Variants in SAGE1 observed in about 807,000 individuals in gnomAD.
The protein encoded by SAGE1 is cancer/testis antigen 14.
SAGE1 carries 55 observed loss-of-function variants against 55.4 expected under a neutral mutation model. The ratio of observed to expected loss-of-function variants is 0.99; its 90% CI spans 0.80 to 1.24. SAGE1 has a LOEUF of 1.24. SAGE1 is among the 50% of genes most tolerant of loss of function. The pLI, the probability that SAGE1 is intolerant of heterozygous loss-of-function variation, is 0.00. For missense variants in SAGE1, 710 were observed against 704.4 expected, an observed-to-expected ratio of 1.01 and a Z score of -0.09; for synonymous variants, 240 against 244.3, an observed-to-expected ratio of 0.98 and a Z score of 0.17.
chrX:135,903,106 C>T (rs782107739), intron 3 of SAGE1, among the ~76,000 whole-genome samples: 1 of 111,661 alleles, frequency 9.0e-6, no homozygotes, highest in South Asian at 3.8e-4. Flanking sequence ...GGGTCCCATC[C>T]ATTTCCTCCT....
chrX:135,898,389 A>G (rs1556594993), intron 2 of SAGE1, among the ~76,000 whole-genome samples: 3 of 112,371 alleles, frequency 2.7e-5, no homozygotes, highest in Non-Finnish European at 5.6e-5. Flanking sequence ...TATCCAGTCT[A>G]TCATTGATGG....
At position 135,896,327 on chromosome X, in the gene SAGE1, C is replaced by A; in HGVS notation, c.85C>A (p.Gln29Lys). 2.6e-6 allele frequency: 3 copies of A among 1,169,245 alleles called. No homozygotes were observed. Among genetic ancestry groups the A allele is most frequent in the Non-Finnish European group, 3.5e-6 (3 of 857,837 alleles). ...AAAYVFTNDG[Q>K]QMRSDEVNLV... ...TGCCTATGTGTTTACAAATGATGGG[C>A]AGGTAAGATAACTCTTTCTATTTCT... The change falls in exon 2 of 20, where the codon CAG becomes AAG. Residue 29 changes from glutamine (Q) to lysine (K), a missense_variant and splice_region_variant. Physicochemically the swap from Gln to Lys is moderately conservative, Grantham distance 53. Coordinates refer to ENST00000370709, the MANE Select transcript of SAGE1 (RefSeq NM_001381902.1).
In SAGE1 at chrX:135,909,643, T is replaced by C; in HGVS notation, c.1587T>C (p.Ala529=). 8.3e-7 allele frequency: 1 copy of C among 1,201,738 alleles called. No homozygotes were observed. The highest frequency in any genetic ancestry group is 1.1e-6 in the Non-Finnish European group (1 of 890,704). ...IPSMSTKDLY[A]TVTQNVHEER... is the part of the protein sequence containing the mutation. ...ACCTCTTTATTTGGTTTCCAGATGC[T>C]ACCGTCACTCAAAATGTCCATGAAG... The change falls in exon 14 of 20, where the codon GCT becomes GCC. Residue 529 remains alanine (A), a synonymous_variant. Transcript: ENST00000370709.
chrX:135,901,963 C>T (rs2088686727), intron 3 of SAGE1, among the ~76,000 whole-genome samples: 1 of 111,804 alleles, frequency 8.9e-6, no homozygotes, highest in Admixed American at 9.5e-5. Context: ...TCTTAGTGTA[C>T]TCCAATGAAA....
chrX:135,906,160 T>A lies in SAGE1; in HGVS notation c.591T>A (p.Asp197Glu). The change falls in exon 6 of 20, where the codon GAT becomes GAA. Residue 197 changes from aspartate (D) to glutamate (E), a missense_variant. By Grantham distance (45) the Asp-to-Glu change is conservative (BLOSUM62 2). Coordinates refer to ENST00000370709, the MANE Select transcript of SAGE1 (RefSeq NM_001381902.1). ...CTATTCCAGCCATGAGTGCCAGAGATCTCTGTATGTCCACTTATAAATTGT... is the reference window on the plus strand; with the variant it reads ...CTATTCCAGCCATGAGTGCCAGAGAACTCTGTATGTCCACTTATAAATTGT... ...ATPIPAMSAR[D>E]LYATVTHNVC... The A allele has an allele frequency of 4.2e-6, 5 of 1,201,438 alleles. No homozygotes were observed. Among genetic ancestry groups the A allele is most frequent in the Non-Finnish European group, 5.6e-6 (5 of 890,376 alleles).
At chrX:135,908,350 C>T in intron 11 of SAGE1, 121 bp downstream of exon 11, 7 of 1,011,438 alleles carry the variant, frequency 6.9e-6, no homozygotes, top group Admixed American at 2.5e-5. Flanking sequence ...GGTCTCAGAT[C>T]GCTGCCTGGT....
intron 4 of SAGE1, among the ~76,000 whole-genome samples, chrX:135,904,990 G>A (rs1344954492): frequency 1.8e-5 from 2 of 111,642 alleles, no homozygotes; most frequent in Non-Finnish European, 3.8e-5. Flanking sequence ...CCAGCGATGA[G>A]TACCAGGGAT....
intron 19 of SAGE1, 129 bp downstream of exon 19, chrX:135,912,543 G>A (rs1379977284): frequency 8.6e-7 from 1 of 1,158,055 alleles, no homozygotes; most frequent in African/African-American, 1.8e-5. Context: ...TATTTCCACA[G>A]GCATTTAGGT....
intron 2 of SAGE1, among the ~76,000 whole-genome samples, chrX:135,898,744 T>A (rs2088626077): frequency 8.9e-6 from 1 of 112,240 alleles, no homozygotes; most frequent in Admixed American, 9.4e-5. Flanking sequence ...TAATGATCAG[T>A]GATGTTGAGC....
At position 135,905,344 on chromosome X, in the gene SAGE1, G is replaced by T. The variant is rs1603136104; in HGVS notation, c.406G>T (p.Val136Phe). 8.3e-7 allele frequency: 1 copy of T among 1,206,077 alleles called. No individual in the cohort carries two copies. The highest frequency in any genetic ancestry group is 3.0e-5 in the East Asian group (1 of 33,653). ...CTTGTCAACTGCTCCACCACAGCTT[G>T]TTCATATGGCTGCAGCTGGTATTCC... ...KVLSTAPPQLVHMAAAGIPSM... is the reference protein window; with the variant it reads ...KVLSTAPPQLFHMAAAGIPSM... The change falls in exon 5 of 20, where the codon GTT (valine) becomes TTT (phenylalanine). Residue 136 changes from valine to phenylalanine, a missense_variant. Physicochemically the swap from Val to Phe is conservative, Grantham distance 50. Transcript: ENST00000370709.
At chrX:135,908,671 G>C (rs1234195819) in intron 12 of SAGE1, 54 bp downstream of exon 12, 16 of 1,097,681 alleles carry the variant, frequency 1.5e-5, no homozygotes, top group Non-Finnish European at 2.0e-5. Flanking sequence ...TGCATGCATA[G>C]TGTCATGAAG....
At chrX:135,901,137 C>T (rs1332098965) in intron 2 of SAGE1, among the ~76,000 whole-genome samples, 6 of 31,096 alleles carry the variant, frequency 1.9e-4, no homozygotes, top group Non-Finnish European at 2.9e-4. Context: ...AGCAAGACTC[C>T]GTCTAAAAAA....
Position 135,908,524 on chromosome X carries a change from C to A in SAGE1, c.1348C>A (p.Gln450Lys). ...CCATGAAGCAAGGATGGAAAATGGC[C>A]AACGAAAACAGGATAACGTCTTGTC... ...HVHEARMENG[Q>K]RKQDNVLSNV... Residue 450 changes from glutamine to lysine, a missense_variant, in exon 12 of 20, where the codon CAA (glutamine) becomes AAA (lysine). By Grantham distance (53) the Gln-to-Lys change is moderately conservative. Transcript: ENST00000370709. 1 of 1,206,978 alleles carries A rather than the reference C, an allele frequency of 8.3e-7. No homozygotes were observed. Among genetic ancestry groups the A allele is most frequent in the Non-Finnish European group, 1.1e-6 (1 of 893,012 alleles).
chrX:135,908,087 A>C lies in SAGE1; in HGVS notation c.1160-2A>C, dbSNP rs781784866. On this transcript the variant is annotated splice_acceptor_variant, in intron 10 of 19. Coordinates refer to ENST00000370709, the MANE Select transcript of SAGE1 (RefSeq NM_001381902.1). LOFTEE classifies it high-confidence loss of function. ...AGCTCATCAACTACATTTGGTTTCC[A>C]GATGCTACCATCATTCACAATCTGC... is the stretch of plus-strand genomic sequence containing the variant. 8.3e-7 allele frequency: 1 copy of C among 1,210,143 alleles called. No individual in the cohort carries two copies. Among genetic ancestry groups the C allele is most frequent in the East Asian group, 3.0e-5 (1 of 33,829 alleles).
intron 2 of SAGE1, among the ~76,000 whole-genome samples, chrX:135,900,515 G>A (rs2088656055): frequency 1.8e-5 from 2 of 110,997 alleles, no homozygotes; most frequent in South Asian, 7.7e-4. Flanking sequence ...AAATGAGTTA[G>A]GTAGGAGTCC....
chrX:135,908,845 C>T lies in SAGE1; in HGVS notation c.1442-19C>T, dbSNP rs370019662. 8.3e-4 allele frequency: 995 copies of T among 1,204,455 alleles called. No individual in the cohort carries two copies. Among genetic ancestry groups the T allele is most frequent in the Non-Finnish European group, 1.1e-3 (939 of 892,031 alleles). ...TAATGCACGTACCTCACAGCTTGACCTCTCCCTTTGGTTTCCAGATGCTAC... is the reference window on the plus strand; with the variant it reads ...TAATGCACGTACCTCACAGCTTGACTTCTCCCTTTGGTTTCCAGATGCTAC... On this transcript the variant is annotated intron_variant, in intron 12 of 19. Transcript: ENST00000370709.
intron 3 of SAGE1, among the ~76,000 whole-genome samples, chrX:135,903,428 A>G (rs1338951050): frequency 1.8e-4 from 20 of 112,895 alleles, no homozygotes; most frequent in Admixed American, 5.6e-4. Context: ...TGTGAGCTCC[A>G]CAAGGGCAGG....
At chrX:135,899,117 A>G (rs1556595180) in intron 2 of SAGE1, among the ~76,000 whole-genome samples, 2 of 110,516 alleles carry the variant, frequency 1.8e-5, no homozygotes, top group Admixed American at 1.9e-4. Context: ...TAGGGTTTGT[A>G]TAGTTTTGTG....
chrX:135,909,316 C>T (rs1224871753), intron 13 of SAGE1, among the ~76,000 whole-genome samples: 8 of 111,931 alleles, frequency 7.1e-5, no homozygotes, highest in Admixed American at 4.8e-4. Context: ...GCACCTGATA[C>T]ATTATTGTCA....
Sources: allele counts gnomAD v4.1 joint callset (sites outside exome capture counted in the v4.1 genomes callset), GRCh38; gene constraint gnomAD v4.1.1; transcripts MANE v1.5; gene names NCBI Gene and HGNC (gene_info 2026-07-23, HGNC 2026-07-21).